The following RAPGEF2 variants were observed in gnomAD, a reference collection of about 807,000 sequenced individuals.
The protein encoded by RAPGEF2 is PDZ domain containing guanine nucleotide exchange factor (GEF) 1.
In RAPGEF2, 54 loss-of-function variants were observed where a neutral mutation model predicts 186.7. The ratio of observed to expected loss-of-function variants is 0.29; its 90% confidence interval spans 0.23 to 0.36. RAPGEF2 has a LOEUF of 0.36. Ranked by LOEUF, RAPGEF2 falls within the 10% of genes least tolerant of loss-of-function variation. RAPGEF2 has a pLI of 1.00. For missense variants in RAPGEF2, 1,532 were observed against 2,045.0 expected, an observed-to-expected ratio of 0.75 and a Z score of 4.84; for synonymous variants, 712 against 705.9, an observed-to-expected ratio of 1.01 and a Z score of -0.14.
intron 1 of RAPGEF2, among the ~76,000 whole-genome samples, chr4:159,175,574 A>G (rs1746373775): frequency 6.6e-6 from 1 of 152,192 alleles, no homozygotes; most frequent in Admixed American, 6.5e-5. Context: ...CCTTTTCGTC[A>G]GGGACATAAA....
intron 7 of RAPGEF2, among the ~76,000 whole-genome samples, chr4:159,262,199 G>C (rs1354885885): frequency 6.6e-6 from 1 of 152,166 alleles, no homozygotes; most frequent in Non-Finnish European, 1.5e-5. Context: ...TATCAGATAA[G>C]TTTTGTGTGG....
chr4:159,322,565 C>T (rs2111155635), intron 10 of RAPGEF2, 82 bp downstream of exon 10: 1 of 1,214,828 alleles, frequency 8.2e-7, no homozygotes, highest in Non-Finnish European at 1.2e-6. Flanking sequence ...CCAATTCTTA[C>T]TTTTTCCTTT....
intron 1 of RAPGEF2, among the ~76,000 whole-genome samples, chr4:159,177,976 C>CT (rs898222170): frequency 1.6e-4 from 24 of 152,170 alleles, no homozygotes; most frequent in African/African-American, 5.6e-4. Flanking sequence ...CAAGATGCTC[C>CT]TTTCTCTTCC....
intron 1 of RAPGEF2, among the ~76,000 whole-genome samples, chr4:159,170,076 C>T (rs1161132889): frequency 7.5e-6 from 1 of 134,100 alleles, no homozygotes. Flanking sequence ...CTTCAATGCT[C>T]ATCTCTTTTT....
chr4:159,348,301 T>C (rs1489661440), intron 25 of RAPGEF2, among the ~76,000 whole-genome samples: 2 of 151,896 alleles, frequency 1.3e-5, no homozygotes, highest in South Asian at 2.1e-4. Context: ...GATAAAGATA[T>C]AGAGAGATAG....
At position 159,343,510 on chromosome 4, in the gene RAPGEF2, G is replaced by A. The variant is rs116041314; in HGVS notation, c.3254+106G>A. On this transcript the variant is annotated intron_variant, in intron 22 of 29. Coordinates refer to ENST00000691494, the MANE Select transcript of RAPGEF2 (RefSeq NM_001394067.2). Reference sequence around the variant, plus strand: ...GTTTGAGTATTTATATTTGTAGTACGGCAGAAATTATAGTAGGATGTGCTG... The same window carrying A: ...GTTTGAGTATTTATATTTGTAGTACAGCAGAAATTATAGTAGGATGTGCTG... 1.6e-3 allele frequency: 2,217 copies of A among 1,418,174 alleles called. 21 individuals are homozygous for A. In the African/African-American group the frequency reaches 0.026, roughly 17 times the overall value. The allele number at this position is 1,418,174 out of a possible 1,614,324, so 87.8% of individuals were successfully genotyped here. A position where few individuals can be genotyped will look rare whatever the true frequency, so the allele number is the denominator to read the frequency against.
intron 7 of RAPGEF2, chr4:159,268,064 T>TTTTTTTTTTTAA: frequency 6.6e-7 from 1 of 1,506,336 alleles, no homozygotes; most frequent in Admixed American, 2.4e-5. Context: ...TTTTTTCCTT[T>TTTTTTTTTTTAA]TTCTTTTAAT....
Position 159,177,394 on chromosome 4 carries a change from G to C in RAPGEF2, c.70-9248G>C, listed in dbSNP as rs970530071. ...ACCTTTTTTTCCAGGATCTGATTTT[G>C]CCATGAAACTATCAGTACTGAAACT... is the stretch of plus-strand genomic sequence containing the variant. On this transcript the variant is annotated intron_variant, in intron 1 of 29. Transcript: ENST00000691494. Among the ~76,000 whole-genome samples, 3 of 152,116 alleles carry C rather than the reference G, an allele frequency of 2.0e-5. No individual in the cohort carries two copies. In the Middle Eastern group the frequency reaches 0.01, roughly 517 times the overall value.
chr4:159,336,353 T>G (rs1257884805), intron 17 of RAPGEF2, among the ~76,000 whole-genome samples: 1 of 152,132 alleles, frequency 6.6e-6, no homozygotes, highest in Non-Finnish European at 1.5e-5. Context: ...GTCTCCAAAG[T>G]CCATTGTATC....
At chr4:159,118,483 T>C (rs932986753) in intron 1 of RAPGEF2, among the ~76,000 whole-genome samples, 14 of 152,036 alleles carry the variant, frequency 9.2e-5, no homozygotes, top group African/African-American at 3.4e-4. Flanking sequence ...TGAATCATCC[T>C]GCACCCCCCC....
At chr4:159,282,747 A>C (rs530949079) in intron 7 of RAPGEF2, 1 of 380,064 alleles carries the variant, frequency 2.6e-6, no homozygotes, top group African/African-American at 2.2e-5. Context: ...TATAGATTAT[A>C]GAAGCATGGG....
At chr4:159,325,595 G>A (rs1765813609) in intron 11 of RAPGEF2, among the ~76,000 whole-genome samples, 1 of 107,352 alleles carries the variant, frequency 9.3e-6, no homozygotes, top group African/African-American at 3.1e-5. Flanking sequence ...GCAAGTAAAA[G>A]TTTGTTTGTT....
chr4:159,330,610 G>T, intron 13 of RAPGEF2, 112 bp downstream of exon 13: 2 of 727,356 alleles, frequency 2.7e-6, no homozygotes, highest in Non-Finnish European at 4.3e-6. Context: ...TGAAATAGGA[G>T]AATGTAATTC....
At chr4:159,160,142 A>T (rs903675101) in intron 1 of RAPGEF2, among the ~76,000 whole-genome samples, 1 of 152,248 alleles carries the variant, frequency 6.6e-6, no homozygotes, top group Non-Finnish European at 1.5e-5. Flanking sequence ...TGTTACGTAT[A>T]CTATAGACAC....
intron 1 of RAPGEF2, among the ~76,000 whole-genome samples, chr4:159,124,372 C>T (rs559780613): frequency 6.6e-6 from 1 of 151,586 alleles, no homozygotes; most frequent in Non-Finnish European, 1.5e-5. Context: ...AACCCCGTCT[C>T]TACCAAAAAT....
At chr4:159,351,327 C>A in intron 26 of RAPGEF2, 1 of 822,558 alleles carries the variant, frequency 1.2e-6, no homozygotes, top group South Asian at 2.1e-5. Context: ...GCAGACTGTT[C>A]AGGGAGGGCT....
chr4:159,168,758 A>G lies in RAPGEF2; in HGVS notation c.70-17884A>G, dbSNP rs60631848. On this transcript the variant is annotated intron_variant, in intron 1 of 29. Coordinates refer to ENST00000691494, the MANE Select transcript of RAPGEF2 (RefSeq NM_001394067.2). Reference sequence around the variant, plus strand: ...GGAGGTACTCAGTAACAGTTTTCCAATGGAAAGAATGAGAAGTTATGGGTA... The same window carrying G: ...GGAGGTACTCAGTAACAGTTTTCCAGTGGAAAGAATGAGAAGTTATGGGTA... Among the ~76,000 whole-genome samples the G allele has an allele frequency of 9.1e-3, 1,385 of 152,268 alleles. 22 individuals are homozygous for G. The highest frequency in any genetic ancestry group is 0.031 in the African/African-American group (1,290 of 41,540).
intron 1 of RAPGEF2, among the ~76,000 whole-genome samples, chr4:159,110,500 C>T (rs916361715): frequency 2.0e-5 from 3 of 152,162 alleles, no homozygotes; most frequent in Admixed American, 6.5e-5. Flanking sequence ...ATCACTTGAA[C>T]CCTGGAGGCA....
Position 159,339,366 on chromosome 4 carries a change from C to T in RAPGEF2, c.2534+12C>T, listed in dbSNP as rs1767906070. On this transcript the variant is annotated intron_variant, in intron 19 of 29. Transcript: ENST00000691494. Reference sequence around the variant, plus strand: ...CAACTGAGTGGAAGGTATATATTATCTACCTTACTGGATTTCTTTGTCCCC... The same window carrying T: ...CAACTGAGTGGAAGGTATATATTATTTACCTTACTGGATTTCTTTGTCCCC... 1 of 1,606,266 alleles carries T rather than the reference C, an allele frequency of 6.2e-7. No individual in the cohort carries two copies. The highest frequency in any genetic ancestry group is 8.5e-7 in the Non-Finnish European group (1 of 1,174,590).
Sources: allele counts gnomAD v4.1 joint callset (sites outside exome capture counted in the v4.1 genomes callset), GRCh38; gene constraint gnomAD v4.1.1; transcripts MANE v1.5; gene names NCBI Gene and HGNC (gene_info 2026-07-23, HGNC 2026-07-21).